Variants in ROCK1 observed in about 807,000 individuals in gnomAD.
The protein encoded by ROCK1 is Rho associated coiled-coil containing protein kinase 1, also known as rho-associated protein kinase 1.
ROCK1 carries 36 observed loss-of-function variants against 196.8 expected under a neutral mutation model. The observed-to-expected ratio is 0.18, with a 90% CI of 0.14 to 0.24. The LOEUF (loss-of-function observed/expected upper bound fraction) is 0.24. ROCK1 is among the 10% of genes least tolerant of loss of function. ROCK1 has a pLI of 1.00. For synonymous variants in ROCK1, 443 were observed against 515.9 expected (o/e 0.86, Z 1.91); for missense variants, 920 against 1,562.0 (o/e 0.59, Z 6.93).
chr18:21,013,453 G>A (rs1198345006), intron 13 of ROCK1, among the ~76,000 whole-genome samples: 1 of 152,202 alleles, frequency 6.6e-6, no homozygotes, highest in Non-Finnish European at 1.5e-5. Flanking sequence ...GGCCCCCACA[G>A]ATGACACTGC....
intron 25 of ROCK1, 29 bp from the exon 26 acceptor site, chr18:20,967,969 T>C (rs1285098006): frequency 2.1e-6 from 3 of 1,411,396 alleles, no homozygotes; most frequent in Non-Finnish European, 2.8e-6. Context: ...TAAAGATCAA[T>C]AGTGTAGTCA....
chr18:20,981,509 C>T (rs767357802), intron 21 of ROCK1, among the ~76,000 whole-genome samples: 4 of 152,158 alleles, frequency 2.6e-5, no homozygotes, highest in African/African-American at 7.2e-5. Flanking sequence ...CTTTTGCCAA[C>T]GCCAGTGAAA....
intron 4 of ROCK1, among the ~76,000 whole-genome samples, chr18:21,045,915 T>C (rs1248607317): frequency 4.3e-4 from 58 of 136,334 alleles, no homozygotes; most frequent in African/African-American, 1.4e-3. Context: ...TTTTTTTTTT[T>C]TTTTTTTTTT....
chr18:20,993,443 C>T (rs1385963387), intron 16 of ROCK1, among the ~76,000 whole-genome samples: 2 of 152,102 alleles, frequency 1.3e-5, no homozygotes, highest in South Asian at 2.1e-4. Context: ...CCTCGTGATC[C>T]GCCTGCTTCA....
intron 16 of ROCK1, among the ~76,000 whole-genome samples, chr18:20,993,886 T>C (rs2035647984): frequency 1.3e-5 from 2 of 152,214 alleles, no homozygotes; most frequent in African/African-American, 2.4e-5. Context: ...TATTTTGTAA[T>C]TCAAAGTGGC....
chr18:21,003,629 G>A (rs2035745119), intron 16 of ROCK1, among the ~76,000 whole-genome samples: 1 of 152,178 alleles, frequency 6.6e-6, no homozygotes, highest in African/African-American at 2.4e-5. Context: ...GGATTGGGAA[G>A]GGGAGGTGGA....
chr18:20,999,933 T>C (rs552380663), intron 16 of ROCK1, among the ~76,000 whole-genome samples: 3 of 152,296 alleles, frequency 2.0e-5, no homozygotes, highest in South Asian at 2.1e-4. Context: ...GGCTGGAAGA[T>C]TTAATATTGT....
At chr18:21,050,148 A>C (rs570796695) in intron 2 of ROCK1, among the ~76,000 whole-genome samples, 1 of 152,254 alleles carries the variant, frequency 6.6e-6, no homozygotes, top group East Asian at 1.9e-4. Flanking sequence ...TTTAAAAACA[A>C]ATATTACACT....
chr18:20,969,214 C>T lies in ROCK1; in HGVS notation c.2821-6G>A, dbSNP rs1470991713. 7.0e-6 allele frequency: 11 copies of T among 1,569,662 alleles called. No homozygotes were observed. The highest frequency in any genetic ancestry group is 3.3e-4 in the Middle Eastern group (2 of 5,986). The stretch of plus-strand genomic sequence containing the variant: ...ATGCTGTTTGCTTCTTCAAGCTAAA[C>T]AAAGCACACAAAAGTTTAAGCTCCA... On this transcript the variant is annotated splice_polypyrimidine_tract_variant and splice_region_variant and intron_variant, in intron 23 of 32. Coordinates refer to ENST00000399799, the MANE Select transcript of ROCK1 (RefSeq NM_005406.3).
chr18:21,080,005 G>C (rs181816905), intron 1 of ROCK1, among the ~76,000 whole-genome samples: 1 of 152,094 alleles, frequency 6.6e-6, no homozygotes, highest in African/African-American at 2.4e-5. Context: ...TGTTGAAGAC[G>C]ATCTGTTACC....
intron 18 of ROCK1, among the ~76,000 whole-genome samples, chr18:20,990,741 C>T (rs2035617922): frequency 7.0e-6 from 1 of 141,898 alleles, no homozygotes; most frequent in Non-Finnish European, 1.5e-5. Flanking sequence ...AAAAGGAAGG[C>T]ATCCTCTTCT....
chr18:21,033,854 T>TA (rs71269004), intron 9 of ROCK1, among the ~76,000 whole-genome samples: 1,110 of 33,446 alleles, frequency 0.033, 111 homozygotes, highest in East Asian at 0.047. Flanking sequence ...CCGTTTCTAC[T>TA]AAAAAAAAAA....
intron 8 of ROCK1, among the ~76,000 whole-genome samples, chr18:21,041,041 A>C (rs2036101157): frequency 6.6e-6 from 1 of 151,972 alleles, no homozygotes; most frequent in South Asian, 2.1e-4. Flanking sequence ...GAATCACTTG[A>C]ATCCGGGAGG....
At chr18:20,981,771 G>C (rs144512300) in intron 21 of ROCK1, among the ~76,000 whole-genome samples, 86 of 152,198 alleles carry the variant, frequency 5.7e-4, no homozygotes, top group African/African-American at 2.0e-3. Flanking sequence ...AAAAGAATAA[G>C]GGCTTACTCT....
chr18:21,061,701 T>C (rs535354061), intron 2 of ROCK1, among the ~76,000 whole-genome samples: 7 of 152,134 alleles, frequency 4.6e-5, no homozygotes, highest in African/African-American at 1.4e-4. Context: ...CATGCCCTCA[T>C]TGAAGGTGGT....
chr18:20,979,791 C>T (rs2035513955), intron 22 of ROCK1, 119 bp downstream of exon 22: 1 of 1,201,458 alleles, frequency 8.3e-7, no homozygotes, highest in Admixed American at 3.7e-5. Context: ...TCTGAATTAG[C>T]CCAATAAACT....
rs1198005671 is a variant in ROCK1 at position 20,947,392 on chromosome 18, C to T, written c.*3992G>A. On this transcript the variant is annotated 3_prime_UTR_variant, in exon 33 of 33. Coordinates refer to ENST00000399799, the MANE Select transcript of ROCK1 (RefSeq NM_005406.3). ...TTAATTTATTGCAATAAGCATAGAT[C>T]TTGTCCAGAAAAAAAACACTAAAAG... 1 of 151,932 alleles carries T rather than the reference C, an allele frequency of 6.6e-6. No individual in the cohort carries two copies. The highest frequency in any genetic ancestry group is 2.4e-5 in the African/African-American group (1 of 41,372). The allele number at this position is 151,932 out of a possible 1,614,324, so 9.4% of individuals were successfully genotyped here. A position where few individuals can be genotyped will look rare whatever the true frequency, so the allele number is the denominator to read the frequency against.
At chr18:21,098,411 C>T (rs868756746) in intron 1 of ROCK1, among the ~76,000 whole-genome samples, 3 of 151,870 alleles carry the variant, frequency 2.0e-5, no homozygotes, top group Middle Eastern at 3.2e-3. Context: ...TCAAAATTTA[C>T]CATACATGAT....
chr18:21,043,172 A>G (rs1254868534), intron 6 of ROCK1, among the ~76,000 whole-genome samples: 3 of 152,156 alleles, frequency 2.0e-5, no homozygotes, highest in African/African-American at 7.2e-5. Context: ...CACTGACTTC[A>G]TTATTTTCTA....
Sources: allele counts gnomAD v4.1 joint callset (sites outside exome capture counted in the v4.1 genomes callset), GRCh38; gene constraint gnomAD v4.1.1; transcripts MANE v1.5; gene names NCBI Gene and HGNC (gene_info 2026-07-23, HGNC 2026-07-21).